COPS5: variants seen among roughly 807,000 people sequenced by gnomAD.
The protein encoded by COPS5 is COP9 signalosome complex subunit 5.
In COPS5, 8 loss-of-function variants were observed where a neutral mutation model predicts 44.4. The observed-to-expected ratio is 0.18, with a 90% CI of 0.11 to 0.32. The LOEUF (loss-of-function observed/expected upper bound fraction) is 0.32. Ranked by LOEUF, COPS5 falls within the 10% of genes least tolerant of loss-of-function variation. The pLI is 1.00. For synonymous variants in COPS5, 122 were observed against 142.8 expected (o/e 0.85, Z 1.04); for missense variants, 159 against 406.4 (o/e 0.39, Z 5.23).
intron 6 of COPS5, among the ~76,000 whole-genome samples, chr8:67,047,475 T>G (rs1816715831): frequency 6.6e-6 from 1 of 152,178 alleles, no homozygotes; most frequent in Non-Finnish European, 1.5e-5. Context: ...ACTATTAAAA[T>G]GACAATAAAA....
chr8:67,052,543 G>C (rs1028902409), intron 5 of COPS5, among the ~76,000 whole-genome samples: 2 of 148,962 alleles, frequency 1.3e-5, no homozygotes, highest in African/African-American at 4.9e-5. Context: ...TCAGCCTCCC[G>C]AGTAGCTGGG....
intron 3 of COPS5, 103 bp downstream of exon 3, chr8:67,057,980 T>C (rs1804536396): frequency 1.6e-6 from 2 of 1,246,044 alleles, no homozygotes; most frequent in Non-Finnish European, 2.3e-6. Context: ...GGCAGACTGA[T>C]ACCAGAGCAA....
chr8:67,054,838 T>C (rs1239385426), intron 5 of COPS5, among the ~76,000 whole-genome samples: 1 of 152,030 alleles, frequency 6.6e-6, no homozygotes, highest in Non-Finnish European at 1.5e-5. Context: ...CTGTTTTAAA[T>C]CCAAGGATAC....
rs944523450 is a variant in COPS5 at position 67,060,341 on chromosome 8, C to G, written c.144-896G>C. On this transcript the variant is annotated intron_variant, in intron 1 of 7. Coordinates refer to ENST00000357849, the MANE Select transcript of COPS5 (RefSeq NM_006837.3). ...CGAACCTAAAATGCACAGCCTGTTA[C>G]AGAAGCAAGCAGATAACCAAGCAAC... 286 of 1,192,670 alleles carry G rather than the reference C, an allele frequency of 2.4e-4. 1 individual carries two copies. The African/African-American group carries it at 4.0e-3, about 16-fold the overall frequency. 73.9% of individuals were successfully genotyped at this position (1,192,670 alleles called of 1,614,324 possible).
chr8:67,056,636 GAAAAAA>G lies in COPS5; in HGVS notation c.574-38_574-33del, dbSNP rs375914469. 43 of 14,178 alleles carry G rather than the reference GAAAAAA, an allele frequency of 3.0e-3. 2 individuals carry two copies. The highest frequency in any genetic ancestry group is 5.9e-3 in the South Asian group (2 of 338). The allele number at this position is 14,178 out of a possible 1,614,324, so 0.9% of individuals were successfully genotyped here. A position where few individuals can be genotyped will look rare whatever the true frequency, so the allele number is the denominator to read the frequency against. On this transcript the variant is annotated intron_variant, in intron 4 of 7. Coordinates refer to ENST00000357849, the MANE Select transcript of COPS5 (RefSeq NM_006837.3). ...AAAAATGAGGTAAACAGAAGATTAA[GAAAAAA>G]AAAAAAAAAAATATATATATATATA... is the stretch of plus-strand genomic sequence containing the variant.
At chr8:67,055,474 G>T (rs528458341) in intron 5 of COPS5, among the ~76,000 whole-genome samples, 1 of 152,156 alleles carries the variant, frequency 6.6e-6, no homozygotes, top group African/African-American at 2.4e-5. Context: ...AAAAGAGGTG[G>T]TGAGATATAT....
chr8:67,052,411 G>C (rs1202407868), intron 5 of COPS5, among the ~76,000 whole-genome samples: 2 of 151,366 alleles, frequency 1.3e-5, no homozygotes, highest in Non-Finnish European at 3.0e-5. Flanking sequence ...TTACACAAAA[G>C]GTTAAGAATT....
intron 5 of COPS5, among the ~76,000 whole-genome samples, chr8:67,052,687 G>T (rs1804436074): frequency 6.6e-6 from 1 of 151,652 alleles, no homozygotes; most frequent in African/African-American, 2.4e-5. Context: ...CAAAGTGCTG[G>T]GAGCCACAGT....
Position 67,051,323 on chromosome 8 carries a change from G to A in COPS5, c.678C>T (p.Val226=). ...GATCCAAAGAGGATTTGAAATATGA[G>A]ACTTCTAAGGCATAATATCTATGAA... is the stretch of plus-strand genomic sequence containing the variant. The part of the protein sequence containing the change: ...VHCKQYYALE[V]SYFKSSLDRK... The change falls in exon 6 of 8, where the codon GTC becomes GTT. Residue 226 remains valine (V), a synonymous_variant. Coordinates refer to ENST00000357849, the MANE Select transcript of COPS5 (RefSeq NM_006837.3). The A allele has an allele frequency of 1.2e-6, 2 of 1,602,836 alleles. No homozygotes were observed. Among genetic ancestry groups the A allele is most frequent in the Non-Finnish European group, 1.7e-6 (2 of 1,171,992 alleles).
At chr8:67,049,266 C>A (rs1585709123) in intron 6 of COPS5, among the ~76,000 whole-genome samples, 1 of 152,248 alleles carries the variant, frequency 6.6e-6, no homozygotes, top group East Asian at 1.9e-4. Flanking sequence ...AGTTCAACGC[C>A]AGCTTGGGCA....
At chr8:67,060,116 C>T (rs1024899933) in intron 1 of COPS5, 10 of 179,806 alleles carry the variant, frequency 5.6e-5, no homozygotes, top group Admixed American at 1.7e-4. Context: ...CCTGTTATAT[C>T]AGCCTTAAAT....
At chr8:67,049,781 C>A (rs535597072) in intron 6 of COPS5, among the ~76,000 whole-genome samples, 2 of 152,298 alleles carry the variant, frequency 1.3e-5, no homozygotes, top group South Asian at 4.1e-4. Context: ...CCTGCTATGA[C>A]TCCTGCTGCT....
At chr8:67,055,328 C>T (rs867641672) in intron 5 of COPS5, among the ~76,000 whole-genome samples, 16 of 152,020 alleles carry the variant, frequency 1.1e-4, no homozygotes, top group African/African-American at 2.7e-4. Context: ...GAGGATTATC[C>T]GGCTTACATC....
intron 2 of COPS5, 130 bp from the exon 3 acceptor site, chr8:67,058,341 G>A: frequency 1.2e-6 from 1 of 830,196 alleles, no homozygotes. Context: ...CAGCCCAGAT[G>A]CGAAATCTAT....
chr8:67,058,032 T>C (rs768636905), intron 3 of COPS5, 51 bp downstream of exon 3: 9 of 1,590,870 alleles, frequency 5.7e-6, no homozygotes, highest in Non-Finnish European at 4.3e-6. Context: ...GTATACTTGC[T>C]TCAGCAAATC....
chr8:67,051,377 A>C (rs772182361), intron 5 of COPS5, 36 bp from the exon 6 acceptor site: 1 of 1,219,714 alleles, frequency 8.2e-7, no homozygotes, highest in Non-Finnish European at 1.2e-6. Context: ...GTAAGTAAAA[A>C]AAAAAATTCA....
At chr8:67,058,028 T>G in intron 3 of COPS5, 55 bp downstream of exon 3, 2 of 1,580,986 alleles carry the variant, frequency 1.3e-6, no homozygotes, top group Non-Finnish European at 1.7e-6. Flanking sequence ...CTCAGTATAC[T>G]TGCTTCAGCA....
At chr8:67,052,484 C>T (rs1472473598) in intron 5 of COPS5, among the ~76,000 whole-genome samples, 4 of 149,494 alleles carry the variant, frequency 2.7e-5, no homozygotes, top group African/African-American at 9.8e-5. Flanking sequence ...ATGGCACAAT[C>T]TCAGCTCACC....
At chr8:67,043,850 AC>A (rs928769891) in intron 7 of COPS5, 31 of 152,262 alleles carry the variant, frequency 2.0e-4, no homozygotes, top group African/African-American at 6.7e-4. Context: ...TTGTAAAGCT[AC>A]CCCAAAAAGG....
Sources: allele counts gnomAD v4.1 joint callset (sites outside exome capture counted in the v4.1 genomes callset), GRCh38; gene constraint gnomAD v4.1.1; transcripts MANE v1.5; gene names NCBI Gene and HGNC (gene_info 2026-07-23, HGNC 2026-07-21).